The following SIGLEC9 variants were observed in gnomAD, a reference collection of about 807,000 sequenced individuals.
The protein encoded by SIGLEC9 is sialic acid-binding Ig-like lectin 9.
Under a neutral mutation model 38.3 loss-of-function variants are expected in SIGLEC9, and 26 were observed. The ratio of observed to expected loss-of-function variants is 0.68; its 90% confidence interval spans 0.50 to 0.94. The LOEUF (loss-of-function observed/expected upper bound fraction) is 0.94, where lower values mean the gene tolerates loss of function less well. Ranked by LOEUF, SIGLEC9 falls within the 40% of genes least tolerant of loss-of-function variation. SIGLEC9 has a pLI of 0.00. For missense variants in SIGLEC9, 556 were observed against 585.7 expected, an observed-to-expected ratio of 0.95 and a Z score of 0.52; for synonymous variants, 236 against 248.0, an observed-to-expected ratio of 0.95 and a Z score of 0.45.
downstream of SIGLEC9, among the ~76,000 whole-genome samples, chr19:51,132,828 G>A (rs2092024140): frequency 6.6e-6 from 1 of 152,112 alleles, no homozygotes; most frequent in Non-Finnish European, 1.5e-5. Context: ...ACATTTTTGA[G>A]AGACTTAAGG....
At chr19:51,135,000 C>A (rs760767603), downstream of SIGLEC9, among the ~76,000 whole-genome samples, 1 of 152,202 alleles carries the variant, frequency 6.6e-6, no homozygotes, top group Non-Finnish European at 1.5e-5. Context: ...CTACATTAAG[C>A]ATCCCAGTCT....
At chr19:51,134,098 G>A (rs2092030459), downstream of SIGLEC9, among the ~76,000 whole-genome samples, 3 of 150,510 alleles carry the variant, frequency 2.0e-5, no homozygotes, top group Admixed American at 2.0e-4. Context: ...AACGTGAATG[G>A]CACACAGGGG....
chr19:51,132,039 C>G (rs540380433), downstream of SIGLEC9, among the ~76,000 whole-genome samples: 12 of 152,290 alleles, frequency 7.9e-5, no homozygotes, highest in East Asian at 2.1e-3. Context: ...GTTCAGGTCC[C>G]GGGATTGGAT....
chr19:51,130,239 A>C lies in SIGLEC9; in HGVS notation c.*160A>C. On this transcript the variant is annotated 3_prime_UTR_variant, in exon 7 of 7. Transcript: ENST00000250360. ...GAAAAGCACACAGGCTTTAGAGTCA[A>C]AGTATCTCAAACCTGAATCCACACT... 1.5e-6 allele frequency: 2 copies of C among 1,318,134 alleles called. No homozygotes were observed. The highest frequency in any genetic ancestry group is 1.9e-6 in the Non-Finnish European group (2 of 1,028,798). The allele number at this position is 1,318,134 out of a possible 1,614,324, so 81.7% of individuals were successfully genotyped here. A position where few individuals can be genotyped will look rare whatever the true frequency, so the allele number is the denominator to read the frequency against.
At chr19:51,123,987 C>T (rs562762884), upstream of SIGLEC9, among the ~76,000 whole-genome samples, 4 of 152,246 alleles carry the variant, frequency 2.6e-5, no homozygotes, top group East Asian at 1.9e-4. Context: ...TCCTGTTCAC[C>T]GGGACCCCTG....
rs369857300 is a variant in SIGLEC9, at chr19:51,128,402, C to T, written c.1107-12C>T. ...TGACCACACTGAAAGGCTCTCTGGT[C>T]TCTTCACTCAGAGTGAGGTCCTGCA... On this transcript the variant is annotated splice_polypyrimidine_tract_variant and intron_variant, in intron 5 of 6. Transcript: ENST00000250360. The T allele has an allele frequency of 6.2e-7, 1 of 1,613,448 alleles. No homozygotes were observed. Among genetic ancestry groups the T allele is most frequent in the Non-Finnish European group, 8.5e-7 (1 of 1,179,408 alleles).
At chr19:51,133,676 C>CA (rs78577986), downstream of SIGLEC9, among the ~76,000 whole-genome samples, 619 of 152,150 alleles carry the variant, frequency 4.1e-3, 15 homozygotes, top group East Asian at 0.045. Context: ...ACATCACACG[C>CA]AAAAAATTAG....
chr19:51,125,580 C>T lies in SIGLEC9; in HGVS notation c.422-17C>T. On this transcript the variant is annotated splice_polypyrimidine_tract_variant and intron_variant, in intron 1 of 6. Transcript: ENST00000250360. The stretch of plus-strand genomic sequence containing the variant: ...TGGATCCTCTGACCTGATCCTGAGT[C>T]CCCCTCTCTTCACCAGCCTTGACCC... 1.9e-6 allele frequency: 3 copies of T among 1,607,674 alleles called. No homozygotes were observed. The highest frequency in any genetic ancestry group is 2.5e-6 in the Non-Finnish European group (3 of 1,179,644).
downstream of SIGLEC9, among the ~76,000 whole-genome samples, chr19:51,135,013 T>A (rs1006360187): frequency 6.6e-6 from 1 of 152,226 alleles, no homozygotes; most frequent in African/African-American, 2.4e-5. Flanking sequence ...CCCAGTCTCC[T>A]CTGCGTCTCA....
At chr19:51,127,416 A>T (rs2091986190) in intron 4 of SIGLEC9, 120 bp downstream of exon 4, 9 of 1,172,640 alleles carry the variant, frequency 7.7e-6, no homozygotes, top group Non-Finnish European at 8.2e-6. Context: ...CTCAGCTGTG[A>T]GGTCTGGAAC....
At chr19:51,125,427 G>A in intron 1 of SIGLEC9, 32 bp downstream of exon 1, 1 of 1,563,124 alleles carries the variant, frequency 6.4e-7, no homozygotes, top group Non-Finnish European at 8.7e-7. Context: ...AGGCCACAGG[G>A]AAAGGTCATG....
chr19:51,129,943 C>T lies in SIGLEC9; in HGVS notation c.1256C>T (p.Pro419Leu), dbSNP rs1230807820. ...GACAGTCCCCCAGACCAGCCTCCCCCAGCTTCTGCCCGCTCCTCAGTGGGG... is the reference window on the plus strand; with the variant it reads ...GACAGTCCCCCAGACCAGCCTCCCCTAGCTTCTGCCCGCTCCTCAGTGGGG... ...AEDSPPDQPP[P>L]ASARSSVGEG... The change falls in exon 7 of 7, where the codon CCA (proline) becomes CTA (leucine). Residue 419 changes from proline to leucine, a missense_variant. Physicochemically the swap from Pro to Leu is moderately conservative, Grantham distance 98. Coordinates refer to ENST00000250360, the MANE Select transcript of SIGLEC9 (RefSeq NM_014441.3). 1 of 1,613,110 alleles carries T rather than the reference C, an allele frequency of 6.2e-7. No homozygotes were observed. The highest frequency in any genetic ancestry group is 8.5e-7 in the Non-Finnish European group (1 of 1,179,528).
At chr19:51,121,835 G>T (rs369089324), upstream of SIGLEC9, among the ~76,000 whole-genome samples, 39 of 152,042 alleles carry the variant, frequency 2.6e-4, 1 homozygote, top group South Asian at 4.8e-3. Context: ...TGATCCAACC[G>T]CCTTGGCCTC....
In SIGLEC9 at chr19:51,127,065, C is replaced by A; in HGVS notation, c.784C>A (p.Leu262Ile). The change falls in exon 4 of 7, where the codon CTC becomes ATC. Residue 262 changes from leucine (L) to isoleucine (I), a missense_variant. Transcript: ENST00000250360. The stretch of plus-strand genomic sequence containing the variant: ...CTTGGGAAATGGCTCATCTCTGTCA[C>A]TCCCAGAGGGCCAGTCTCTGCGCCT... ...TVLGNGSSLSLPEGQSLRLVC... is the reference protein window; with the variant it reads ...TVLGNGSSLSIPEGQSLRLVC... 1 of 1,614,146 alleles carries A rather than the reference C, an allele frequency of 6.2e-7. No individual in the cohort carries two copies. The highest frequency in any genetic ancestry group is 8.5e-7 in the Non-Finnish European group (1 of 1,179,962).
rs552780370 is a variant in SIGLEC9, at chr19:51,126,326, C to A, written c.748+198C>A. Among the ~76,000 whole-genome samples, 40 of 151,774 alleles carry A rather than the reference C, an allele frequency of 2.6e-4. No homozygotes were observed. In the East Asian group the frequency reaches 5.8e-3, roughly 22 times the overall value. ...ACCTCCCTTGGACTCCCCCACACACCCCCCCCTCAGCCTCAAACAAGAAGA... is the reference window on the plus strand; with the variant it reads ...ACCTCCCTTGGACTCCCCCACACACACCCCCCTCAGCCTCAAACAAGAAGA... On this transcript the variant is annotated intron_variant, in intron 3 of 6. Coordinates refer to ENST00000250360, the MANE Select transcript of SIGLEC9 (RefSeq NM_014441.3).
Position 51,130,159 on chromosome 19 carries a change from A to G in SIGLEC9, c.*80A>G. 1 of 1,512,748 alleles carries G rather than the reference A, an allele frequency of 6.6e-7. No homozygotes were observed. The highest frequency in any genetic ancestry group is 1.3e-5 in the South Asian group (1 of 75,380). The allele number at this position is 1,512,748 out of a possible 1,614,324, so 93.7% of individuals were successfully genotyped here. A position where few individuals can be genotyped will look rare whatever the true frequency, so the allele number is the denominator to read the frequency against. On this transcript the variant is annotated 3_prime_UTR_variant, in exon 7 of 7. Coordinates refer to ENST00000250360, the MANE Select transcript of SIGLEC9 (RefSeq NM_014441.3). The stretch of plus-strand genomic sequence containing the variant: ...GAAGTCAGAGGCTGATTCTTGTAGA[A>G]TTAACAGCCCTCAACGTGATGAGCT...
In SIGLEC9 at chr19:51,125,756, G is replaced by C; in HGVS notation, c.581G>C (p.Arg194Pro). Residue 194 changes from arginine (R) to proline (P), a missense_variant, in exon 2 of 7, where the codon CGC becomes CCC. Physicochemically the swap from Arg to Pro is moderately radical, Grantham distance 103. Coordinates refer to ENST00000250360, the MANE Select transcript of SIGLEC9 (RefSeq NM_014441.3). The part of the protein sequence containing the change: ...SVSPLDPSTT[R>P]SSVLTLIPQP... ...TCCCCCCTGGACCCCTCCACCACCCGCTCCTCGGTGCTCACCCTCATCCCA... is the reference window on the plus strand; with the variant it reads ...TCCCCCCTGGACCCCTCCACCACCCCCTCCTCGGTGCTCACCCTCATCCCA... 1 of 1,607,128 alleles carries C rather than the reference G, an allele frequency of 6.2e-7. No individual in the cohort carries two copies. The highest frequency in any genetic ancestry group is 1.7e-5 in the Admixed American group (1 of 60,004).
Position 51,130,298 on chromosome 19 carries a change from A to C in SIGLEC9, c.*219A>C, listed in dbSNP as rs1007923830. On this transcript the variant is annotated 3_prime_UTR_variant, in exon 7 of 7. Coordinates refer to ENST00000250360, the MANE Select transcript of SIGLEC9 (RefSeq NM_014441.3). The stretch of plus-strand genomic sequence containing the variant: ...CCTTTTATTTTTTTAACTAAAAGAC[A>C]GACAAATTCCTACCTCTCTGTACCT... The C allele has an allele frequency of 3.3e-6, 3 of 897,298 alleles. No homozygotes were observed. The Admixed American group carries it at 1.2e-4, about 36-fold the overall frequency. The allele number at this position is 897,298 out of a possible 1,614,324, so 55.6% of individuals were successfully genotyped here. A position where few individuals can be genotyped will look rare whatever the true frequency, so the allele number is the denominator to read the frequency against.
downstream of SIGLEC9, among the ~76,000 whole-genome samples, chr19:51,133,583 AAAATAAATAAATAAATAAAAAATAAATG>A (rs2092028272): frequency 6.6e-6 from 1 of 152,166 alleles, no homozygotes; most frequent in Non-Finnish European, 1.5e-5. Flanking sequence ...CCCCATCTTG[AAAATAAATAAATAAATAAAAAATAAATG>A]TTAGCGGAAC....
Sources: gnomAD v4.1 joint callset for allele counts (sites outside exome capture counted in the v4.1 genomes callset) on GRCh38, gnomAD v4.1.1 for gene constraint, MANE v1.5 for transcripts, NCBI Gene and HGNC (gene_info 2026-07-23, HGNC 2026-07-21) for gene names.